Variants in MARK3 observed in about 807,000 individuals in gnomAD.
MARK3 encodes the protein microtubule affinity regulating kinase 3.
Under a neutral mutation model 90.1 loss-of-function variants are expected in MARK3, and 46 were observed. The observed-to-expected ratio is 0.51, with a 90% CI of 0.40 to 0.65. The LOEUF is 0.65. Among genes scored for constraint, MARK3 ranks in the 30% least tolerant of loss-of-function variants. MARK3 has a pLI of 0.00. For missense variants in MARK3, 818 were observed against 947.2 expected (o/e 0.86, Z 1.79); for synonymous variants, 321 against 332.6 (o/e 0.97, Z 0.38).
At position 103,412,619 on chromosome 14, in the gene MARK3, C is replaced by T. The variant is rs375017491; in HGVS notation, c.243+7352C>T. The T allele has an allele frequency of 1.8e-4, 186 of 1,020,370 alleles. 1 individual carries two copies. Among genetic ancestry groups the T allele is most frequent in the Admixed American group, 5.0e-4 (26 of 52,352 alleles). 63.2% of individuals were successfully genotyped at this position (1,020,370 alleles called of 1,614,324 possible). On this transcript the variant is annotated intron_variant, in intron 2 of 17. Transcript: ENST00000429436. ...CTTAAGCCTGACGGTGCCCGAGAAG[C>T]GCTTGTCCTTCTGGGGGTCATAGTT...
chr14:103,410,392 A>G (rs1044140089), intron 2 of MARK3, among the ~76,000 whole-genome samples: 5 of 152,224 alleles, frequency 3.3e-5, no homozygotes, highest in African/African-American at 9.6e-5. Context: ...ATTACGTTTC[A>G]CCATGAGTTT....
chr14:103,496,886 T>C (rs1041854911), intron 15 of MARK3, among the ~76,000 whole-genome samples: 2 of 151,920 alleles, frequency 1.3e-5, no homozygotes, highest in Non-Finnish European at 2.9e-5. Context: ...ACAAAAACAT[T>C]TTTTAATTAG....
chr14:103,393,821 G>C (rs895782716), intron 1 of MARK3, among the ~76,000 whole-genome samples: 1 of 149,502 alleles, frequency 6.7e-6, no homozygotes, highest in Non-Finnish European at 1.5e-5. Flanking sequence ...GTGCAATCTC[G>C]TGACCTTGGC....
At chr14:103,435,533 C>T (rs982085975) in intron 3 of MARK3, among the ~76,000 whole-genome samples, 11 of 152,046 alleles carry the variant, frequency 7.2e-5, no homozygotes, top group African/African-American at 4.8e-5. Context: ...CTCAGCCTCC[C>T]GAGTAGCTGG....
At chr14:103,441,289 G>A (rs1158016403) in intron 3 of MARK3, among the ~76,000 whole-genome samples, 1 of 150,870 alleles carries the variant, frequency 6.6e-6, no homozygotes, top group Non-Finnish European at 1.5e-5. Context: ...TTGTTTTTTT[G>A]TTTTTTTGTT....
intron 2 of MARK3, among the ~76,000 whole-genome samples, chr14:103,405,760 TTTTGTA>T (rs200671983): frequency 0.3 from 41,584 of 139,480 alleles, 5,948 homozygotes; most frequent in East Asian, 0.45. Context: ...TTTTTTTTTT[TTTTGTA>T]TTTTTGTATT....
chr14:103,452,943 CAT>C (rs778908575), intron 5 of MARK3, among the ~76,000 whole-genome samples: 1 of 152,196 alleles, frequency 6.6e-6, no homozygotes, highest in Non-Finnish European at 1.5e-5. Flanking sequence ...GCTATTTAAA[CAT>C]ATGAATGCTT....
At chr14:103,388,259 C>CT (rs1221228201) in intron 1 of MARK3, among the ~76,000 whole-genome samples, 8 of 152,188 alleles carry the variant, frequency 5.3e-5, no homozygotes, top group African/African-American at 1.9e-4. Context: ...GAATTTTTGA[C>CT]TTTTTTTAAA....
chr14:103,471,645 G>T (rs1283504870), intron 12 of MARK3, among the ~76,000 whole-genome samples: 3 of 152,014 alleles, frequency 2.0e-5, no homozygotes, highest in African/African-American at 7.3e-5. Context: ...CCTCTGCATG[G>T]GTGCCTGCTT....
chr14:103,396,344 G>A (rs6575982), intron 1 of MARK3, among the ~76,000 whole-genome samples: 50,716 of 151,898 alleles, frequency 0.33, 8,851 homozygotes, highest in East Asian at 0.5. Flanking sequence ...TCTTATATGT[G>A]TTAAGTCATT....
In MARK3 at chr14:103,389,655, T is replaced by C. The variant is rs894169881; in HGVS notation, c.51+3575T>C. Among the ~76,000 whole-genome samples the C allele has an allele frequency of 2.0e-5, 3 of 151,246 alleles. No individual in the cohort carries two copies. In the Admixed American group the frequency reaches 2.0e-4, roughly 10 times the overall value. ...CTTAGTGAATGGGTATATAAAAGTT[T>C]ACTGTTGGCCAGGTGCAGTGGCTCA... is the stretch of plus-strand genomic sequence containing the variant. On this transcript the variant is annotated intron_variant, in intron 1 of 17. Transcript: ENST00000429436.
At chr14:103,478,702 G>T (rs1286444057) in intron 13 of MARK3, among the ~76,000 whole-genome samples, 4 of 152,078 alleles carry the variant, frequency 2.6e-5, no homozygotes, top group African/African-American at 7.2e-5. Flanking sequence ...ACCATGCCTG[G>T]ATAATTTTGT....
At chr14:103,471,466 C>G (rs2093623737) in intron 12 of MARK3, among the ~76,000 whole-genome samples, 1 of 152,106 alleles carries the variant, frequency 6.6e-6, no homozygotes, top group Non-Finnish European at 1.5e-5. Flanking sequence ...TGGTCCAAGC[C>G]CTGTGTTTTT....
rs199679958 is a variant in MARK3 at position 103,468,171 on chromosome 14, C to T, written c.1249C>T (p.Arg417Cys). Residue 417 changes from arginine (R) to cysteine (C), a missense_variant, in exon 12 of 18, where the codon CGC (arginine) becomes TGC (cysteine). Arg to Cys is a radical substitution (Grantham distance 180). This residue lies in a region of MARK3 where 560 missense variants were observed against 613.5 expected (regional missense o/e 0.91). Transcript: ENST00000429436. ...RSVSSSQKQR[R>C]YSDHAGPAIP... ...TGTTTCTTCAAGCCAAAAGCAAAGACGCTACAGTGACCATGGTAAGTTTTG... is the reference window on the plus strand; with the variant it reads ...TGTTTCTTCAAGCCAAAAGCAAAGATGCTACAGTGACCATGGTAAGTTTTG... 12 of 1,613,858 alleles carry T rather than the reference C, an allele frequency of 7.4e-6. No individual in the cohort carries two copies. Among genetic ancestry groups the T allele is most frequent in the African/African-American group, 4.0e-5 (3 of 74,986 alleles).
In MARK3 at chr14:103,452,471, C is replaced by CTT. The variant is rs71126026; in HGVS notation, c.412+505_412+506dup. ...ACAAGTGGAATTTTACAGGATTTGT[C>CTT]TTTTTTTTTTTTTTTTTTGAGACGG... is the stretch of plus-strand genomic sequence containing the variant. On this transcript the variant is annotated intron_variant, in intron 5 of 17. Transcript: ENST00000429436. Among the ~76,000 whole-genome samples, 461 of 97,468 alleles carry CTT rather than the reference C, an allele frequency of 4.7e-3. 43 individuals carry two copies. The highest frequency in any genetic ancestry group is 0.011 in the African/African-American group (359 of 31,466). The allele number at this position is 97,468 out of a possible 152,430, so 63.9% of individuals were successfully genotyped here. A position where few individuals can be genotyped will look rare whatever the true frequency, so the allele number is the denominator to read the frequency against.
intron 3 of MARK3, among the ~76,000 whole-genome samples, chr14:103,440,198 C>G (rs921737171): frequency 2.0e-5 from 3 of 152,176 alleles, no homozygotes; most frequent in African/African-American, 7.2e-5. Flanking sequence ...TGTGAATATG[C>G]CACTCTGTAT....
intron 3 of MARK3, among the ~76,000 whole-genome samples, chr14:103,447,040 A>G (rs1311249758): frequency 2.0e-5 from 3 of 152,212 alleles, no homozygotes; most frequent in African/African-American, 4.8e-5. Context: ...TGTTGGAGAT[A>G]AAAATGCTCC....
At chr14:103,416,537 G>A (rs1282693177) in intron 2 of MARK3, among the ~76,000 whole-genome samples, 1 of 152,238 alleles carries the variant, frequency 6.6e-6, no homozygotes, top group African/African-American at 2.4e-5. Flanking sequence ...TCGGGAGGCC[G>A]AAGCGAGTGG....
At chr14:103,496,245 C>T (rs2075332264) in intron 15 of MARK3, among the ~76,000 whole-genome samples, 1 of 152,158 alleles carries the variant, frequency 6.6e-6, no homozygotes, top group South Asian at 2.1e-4. Context: ...AAGAAAAGCA[C>T]TTCTATAGTA....
Sources: gnomAD v4.1 joint callset for allele counts (sites outside exome capture counted in the v4.1 genomes callset) on GRCh38, gnomAD v4.1.1 for gene constraint, gnomAD v4.1.1 regional missense constraint, MANE v1.5 for transcripts, NCBI Gene and HGNC (gene_info 2026-07-23, HGNC 2026-07-21) for gene names.